Variants in MRPL1 observed in about 807,000 individuals in gnomAD.
The protein encoded by MRPL1 is large ribosomal subunit protein uL1m.
A neutral mutation model predicts 38.0 loss-of-function variants in MRPL1; 28 were observed. The observed-to-expected ratio is 0.74, with a 90% confidence interval of 0.55 to 1.01. The LOEUF (loss-of-function observed/expected upper bound fraction) is 1.01, where lower values mean the gene tolerates loss of function less well. Ranked by LOEUF, MRPL1 falls within the 50% of genes least tolerant of loss-of-function variation. The pLI is 0.00. For missense variants in MRPL1, 358 were observed against 389.8 expected, an observed-to-expected ratio of 0.92 and a Z score of 0.69; for synonymous variants, 123 against 126.7, an observed-to-expected ratio of 0.97 and a Z score of 0.20.
intron 7 of MRPL1, among the ~76,000 whole-genome samples, chr4:77,910,484 A>C (rs1736261924): frequency 6.6e-6 from 1 of 152,180 alleles, no homozygotes; most frequent in South Asian, 2.1e-4. Context: ...AAAAAATACA[A>C]AAAAATTAGT....
intron 6 of MRPL1, among the ~76,000 whole-genome samples, chr4:77,896,929 G>A (rs957156685): frequency 2.0e-5 from 3 of 151,242 alleles, no homozygotes; most frequent in Admixed American, 6.6e-5. Flanking sequence ...TTTGCTTATC[G>A]TCTGGCTTCC....
chr4:77,919,506 A>G (rs1198777465), intron 7 of MRPL1, among the ~76,000 whole-genome samples: 1 of 152,134 alleles, frequency 6.6e-6, no homozygotes, highest in Admixed American at 6.6e-5. Flanking sequence ...ACTACCTCAC[A>G]TATTTCAAAA....
At chr4:77,865,719 G>A (rs1310501795) in intron 1 of MRPL1, among the ~76,000 whole-genome samples, 1 of 152,094 alleles carries the variant, frequency 6.6e-6, no homozygotes, top group East Asian at 1.9e-4. Context: ...AATCCTGTTG[G>A]CTTTACGCTT....
intron 6 of MRPL1, among the ~76,000 whole-genome samples, chr4:77,899,933 G>A (rs1375621854): frequency 6.6e-6 from 1 of 152,150 alleles, no homozygotes; most frequent in Non-Finnish European, 1.5e-5. Context: ...GTAGAATAGT[G>A]GTTAGTATAG....
In MRPL1 at chr4:77,887,391, G is replaced by T. The variant is rs112525248; in HGVS notation, c.558+100G>T. Reference sequence around the variant, plus strand: ...GTGGAACACTAGTCTCATATCTTATGATAAATAGTTAATAGGTCTTTATAA... The same window carrying T: ...GTGGAACACTAGTCTCATATCTTATTATAAATAGTTAATAGGTCTTTATAA... On this transcript the variant is annotated intron_variant, in intron 5 of 8. Transcript: ENST00000315567. 1.3e-4 allele frequency: 133 copies of T among 1,013,400 alleles called. 1 individual carries two copies. In the African/African-American group the frequency reaches 1.9e-3, roughly 14 times the overall value. 62.8% of individuals were successfully genotyped at this position (1,013,400 alleles called of 1,614,324 possible). A position where few individuals can be genotyped will look rare whatever the true frequency, so the allele number is the denominator to read the frequency against.
At chr4:77,947,724 G>T (rs896338405) in intron 7 of MRPL1, among the ~76,000 whole-genome samples, 3 of 152,158 alleles carry the variant, frequency 2.0e-5, no homozygotes, top group African/African-American at 7.2e-5. Context: ...CATTTTGTTT[G>T]CCTACACAGC....
intron 7 of MRPL1, among the ~76,000 whole-genome samples, chr4:77,913,963 G>A (rs1300982357): frequency 6.6e-6 from 1 of 152,156 alleles, no homozygotes; most frequent in Non-Finnish European, 1.5e-5. Context: ...GGTCAGAGGT[G>A]GGTGAAGAGG....
intron 4 of MRPL1, among the ~76,000 whole-genome samples, chr4:77,886,030 A>G (rs1735668290): frequency 6.6e-6 from 1 of 152,244 alleles, no homozygotes; most frequent in Admixed American, 6.5e-5. Context: ...AGAAACCACA[A>G]CTTTCAAAAG....
intron 5 of MRPL1, among the ~76,000 whole-genome samples, chr4:77,891,106 T>C (rs562901645): frequency 7.2e-5 from 11 of 152,170 alleles, no homozygotes; most frequent in Non-Finnish European, 1.5e-4. Flanking sequence ...ATACAGGTTC[T>C]AGGCCAGAGT....
At chr4:77,894,118 C>T (rs781597275) in intron 5 of MRPL1, 21 bp from the exon 6 acceptor site, 16 of 1,118,640 alleles carry the variant, frequency 1.4e-5, no homozygotes, top group African/African-American at 3.2e-5. Flanking sequence ...CTGAGGTCAC[C>T]TTTTTTTTTT....
At chr4:77,865,273 C>G (rs375116603) in intron 1 of MRPL1, among the ~76,000 whole-genome samples, 1 of 152,304 alleles carries the variant, frequency 6.6e-6, no homozygotes, top group Admixed American at 6.5e-5. Context: ...TTATACTCAT[C>G]TGAGTATTCT....
At chr4:77,870,929 C>T (rs1735266483) in intron 1 of MRPL1, among the ~76,000 whole-genome samples, 1 of 152,104 alleles carries the variant, frequency 6.6e-6, no homozygotes, top group Admixed American at 6.5e-5. Context: ...AGATCCAGTA[C>T]CCCACTTTGT....
chr4:77,909,591 T>G (rs1019695205), intron 7 of MRPL1, among the ~76,000 whole-genome samples: 2 of 152,216 alleles, frequency 1.3e-5, no homozygotes, highest in Admixed American at 1.3e-4. Flanking sequence ...TATGTGCTAC[T>G]CTCACATTTA....
At chr4:77,923,958 A>G (rs1373518210) in intron 7 of MRPL1, among the ~76,000 whole-genome samples, 1 of 151,280 alleles carries the variant, frequency 6.6e-6, no homozygotes, top group African/African-American at 2.4e-5. Context: ...CCGAGATTGC[A>G]TCACTGTGCT....
chr4:77,941,841 T>C (rs1001564588), intron 7 of MRPL1, among the ~76,000 whole-genome samples: 3 of 152,152 alleles, frequency 2.0e-5, no homozygotes, highest in African/African-American at 7.2e-5. Flanking sequence ...TTATCTTTTG[T>C]ATTGTTTTTT....
In MRPL1 at chr4:77,871,423, G is replaced by A. The variant is rs377754976; in HGVS notation, c.32-321G>A. Among the ~76,000 whole-genome samples the A allele has an allele frequency of 3.2e-4, 49 of 151,824 alleles. No individual in the cohort carries two copies. In the East Asian group the frequency reaches 8.9e-3, roughly 28 times the overall value. ...GGGTTCAAACGATTCTCCTGCCTCA[G>A]CCTCCCAAGTAGCTGGGACTACAGG... On this transcript the variant is annotated intron_variant, in intron 1 of 8. Transcript: ENST00000315567.
intron 2 of MRPL1, among the ~76,000 whole-genome samples, chr4:77,878,529 G>A (rs959458037): frequency 6.6e-6 from 1 of 151,816 alleles, no homozygotes; most frequent in African/African-American, 2.4e-5. Context: ...GGTCTCTTGG[G>A]GGTCACAGAT....
chr4:77,883,324 C>G lies in MRPL1; in HGVS notation c.226C>G (p.Pro76Ala), dbSNP rs764447380. ...KDEIEKIKAY[P>A]YMEGEPEDDV... ...TGAAATAGAAAAAATAAAAGCATAT[C>G]CCTATATGGAAGGCGAACCTGAGGA... The change falls in exon 3 of 9, where the codon CCC becomes GCC. Residue 76 changes from proline to alanine, a missense_variant. Transcript: ENST00000315567. The G allele has an allele frequency of 1.9e-6, 3 of 1,612,564 alleles. No homozygotes were observed. Among genetic ancestry groups the G allele is most frequent in the Non-Finnish European group, 1.7e-6 (2 of 1,179,278 alleles).
chr4:77,942,833 A>G (rs1737166639), intron 7 of MRPL1, among the ~76,000 whole-genome samples: 1 of 152,168 alleles, frequency 6.6e-6, no homozygotes, highest in Non-Finnish European at 1.5e-5. Flanking sequence ...CCATTCTGCT[A>G]TTCTGTATCT....
Sources: gnomAD v4.1 joint callset for allele counts (sites outside exome capture counted in the v4.1 genomes callset) on GRCh38, gnomAD v4.1.1 for gene constraint, MANE v1.5 for transcripts, NCBI Gene and HGNC (gene_info 2026-07-23, HGNC 2026-07-21) for gene names.